The following ZNF469 variants were observed in gnomAD, a reference collection of about 807,000 sequenced individuals.
ZNF469 encodes the protein zinc finger protein 469.
Under a neutral mutation model 1.0 loss-of-function variants are expected in ZNF469, and 1 was observed. That is an observed-to-expected ratio of 1.00 (90% CI 0.35 to 4.73). The LOEUF is 4.73. Among genes scored for constraint, ZNF469 ranks in the 30% most tolerant of loss-of-function variants. ZNF469 has a pLI of 0.16. For missense variants in ZNF469, 6,100 were observed against 5,356.3 expected, an observed-to-expected ratio of 1.14 and a Z score of -4.33; for synonymous variants, 2,703 against 2,363.4, an observed-to-expected ratio of 1.14 and a Z score of -4.17.
chr16:88,330,930 C>G, the ZNF469 span, among the ~76,000 whole-genome samples: 1 of 152,312 alleles, frequency 6.6e-6, no homozygotes, highest in African/African-American at 2.4e-5. Context: ...AGCAAGTGCT[C>G]ACTAAACACT....
intron 1 of ZNF469, among the ~76,000 whole-genome samples, chr16:88,397,612 G>C (rs904466810): frequency 6.8e-6 from 1 of 147,284 alleles, no homozygotes. Flanking sequence ...GTGATGGATG[G>C]ATGGATGGGT....
the ZNF469 span, among the ~76,000 whole-genome samples, chr16:88,146,348 C>T: frequency 6.6e-6 from 1 of 152,170 alleles, no homozygotes; most frequent in Non-Finnish European, 1.5e-5. Context: ...TTTGTGCCTG[C>T]TCCATTTATT....
At chr16:88,171,252 C>T in the ZNF469 span, among the ~76,000 whole-genome samples, 3 of 152,318 alleles carry the variant, frequency 2.0e-5, no homozygotes, top group South Asian at 2.1e-4. Context: ...CTGTTCTAGC[C>T]CCAGCTCCAC....
At chr16:88,413,899 T>C (rs1030303178) in intron 1 of ZNF469, among the ~76,000 whole-genome samples, 2 of 152,116 alleles carry the variant, frequency 1.3e-5, no homozygotes, top group African/African-American at 4.8e-5. Context: ...GCAGGTGCCA[T>C]GGAAGCAGGC....
chr16:88,387,110 G>T (rs1165760192), intron 1 of ZNF469, among the ~76,000 whole-genome samples: 1 of 152,182 alleles, frequency 6.6e-6, no homozygotes, highest in Non-Finnish European at 1.5e-5. Context: ...TGTCCACCCA[G>T]GGGAGCGCCT....
the ZNF469 span, among the ~76,000 whole-genome samples, chr16:88,130,242 C>T: frequency 6.6e-6 from 1 of 152,110 alleles, no homozygotes; most frequent in African/African-American, 2.4e-5. Context: ...AAGCCGGGGT[C>T]GAGGCCATCT....
At position 88,438,267 on chromosome 16, in the gene ZNF469, A is replaced by T. The variant is rs1906743737; in HGVS notation, c.10797A>T (p.Ala3599=). 2 of 1,548,240 alleles carry T rather than the reference A, an allele frequency of 1.3e-6. No homozygotes were observed. The highest frequency in any genetic ancestry group is 1.7e-6 in the Non-Finnish European group (2 of 1,145,514). Residue 3599 remains alanine, a synonymous_variant, in exon 3 of 3, where the codon GCA becomes GCT. Transcript: ENST00000565624. ...TCCAGCAAGCTCTCCCTCTGGGGGC[A>T]TCTCTGCCGCGGCCGGGAGCCAGAG... ...PLLQQALPLG[A]SLPRPGARGQ... is the part of the protein sequence containing the mutation.
the ZNF469 span, among the ~76,000 whole-genome samples, chr16:88,138,335 C>A: frequency 8.7e-3 from 1,318 of 152,336 alleles, 21 homozygotes; most frequent in African/African-American, 0.028. Flanking sequence ...CCCACTTTCC[C>A]AAATGCCACA....
At chr16:88,247,642 G>A in the ZNF469 span, among the ~76,000 whole-genome samples, 1 of 151,172 alleles carries the variant, frequency 6.6e-6, no homozygotes, top group Non-Finnish European at 1.5e-5. Context: ...GAGTGAATGA[G>A]TGGATGAGTG....
intron 1 of ZNF469, among the ~76,000 whole-genome samples, chr16:88,394,491 T>A (rs9927563): frequency 0.3 from 46,341 of 152,204 alleles, 7,472 homozygotes; most frequent in Non-Finnish European, 0.35. Context: ...TCACGTTCTG[T>A]TGGACTCAGT....
rs1322396635 is a variant in ZNF469 at position 88,427,465 on chromosome 16, G to A, written c.-6G>A. ...TGCGTCGTCCTAGCGCCAGGACGGA[G>A]GGGCCATGCCTGGGGAGCGCCCCCG... On this transcript the variant is annotated 5_prime_UTR_variant, in exon 3 of 3. Coordinates refer to ENST00000565624, the MANE Select transcript of ZNF469 (RefSeq NM_001367624.2). 1.3e-6 allele frequency: 2 copies of A among 1,497,244 alleles called. No individual in the cohort carries two copies. Among genetic ancestry groups the A allele is most frequent in the Admixed American group, 2.1e-5 (1 of 46,866 alleles). 92.7% of individuals were successfully genotyped at this position (1,497,244 alleles called of 1,614,324 possible). A position where few individuals can be genotyped will look rare whatever the true frequency, so the allele number is the denominator to read the frequency against.
the ZNF469 span, among the ~76,000 whole-genome samples, chr16:88,123,206 C>T: frequency 6.6e-6 from 1 of 152,152 alleles, no homozygotes; most frequent in Non-Finnish European, 1.5e-5. Context: ...CGTCTGCTTT[C>T]CCTTGCTTGG....
the ZNF469 span, among the ~76,000 whole-genome samples, chr16:88,344,789 C>T: frequency 6.6e-6 from 1 of 152,204 alleles, no homozygotes; most frequent in African/African-American, 2.4e-5. Flanking sequence ...GGTGTGTGCC[C>T]CGTGTCCCAG....
At chr16:88,401,531 ATGCATGGG>A (rs1904857128) in intron 1 of ZNF469, among the ~76,000 whole-genome samples, 1 of 37,256 alleles carries the variant, frequency 2.7e-5, no homozygotes. Flanking sequence ...GGATGGATGG[ATGCATGGG>A]TGGATGGATG....
the ZNF469 span, among the ~76,000 whole-genome samples, chr16:88,111,729 C>T: frequency 2.4e-4 from 36 of 152,154 alleles, no homozygotes; most frequent in Admixed American, 7.9e-4. Context: ...CTCCGACTCC[C>T]GGGTTCAAGC....
chr16:88,121,923 T>C, the ZNF469 span, among the ~76,000 whole-genome samples: 2 of 152,340 alleles, frequency 1.3e-5, no homozygotes, highest in Admixed American at 1.3e-4. Context: ...TGTCCTCTCA[T>C]CAAAGTGATT....
At chr16:88,168,920 A>ACCC in the ZNF469 span, among the ~76,000 whole-genome samples, 27 of 150,416 alleles carry the variant, frequency 1.8e-4, no homozygotes, top group African/African-American at 5.9e-4. The surrounding 1 kb of genome is among the most constrained non-coding windows in gnomAD (Gnocchi z 4.3). Context: ...ACATAGTGAG[A>ACCC]CCCCCCCCTC....
the ZNF469 span, among the ~76,000 whole-genome samples, chr16:88,158,966 G>A: frequency 4.6e-5 from 7 of 152,172 alleles, no homozygotes; most frequent in African/African-American, 1.7e-4. Context: ...AGGTGCACAC[G>A]TGCTGGTCCA....
chr16:88,339,937 C>CA, the ZNF469 span, among the ~76,000 whole-genome samples: 32,397 of 149,974 alleles, frequency 0.22, 4,535 homozygotes, highest in African/African-American at 0.39. Context: ...GTGTTGGGGA[C>CA]GGGCCACCCC....
Sources: allele counts gnomAD v4.1 joint callset (sites outside exome capture counted in the v4.1 genomes callset), GRCh38; gene constraint gnomAD v4.1.1; non-coding constraint Gnocchi (gnomAD v3.1); transcripts MANE v1.5; gene names NCBI Gene and HGNC (gene_info 2026-07-23, HGNC 2026-07-21).